CATSPER3: variants seen among roughly 807,000 people sequenced by gnomAD.
CATSPER3 encodes cation channel sperm-associated protein 3.
CATSPER3 carries 23 observed loss-of-function variants against 36.6 expected under a neutral mutation model. That is an observed-to-expected ratio of 0.63 (90% confidence interval 0.45 to 0.89). The LOEUF (loss-of-function observed/expected upper bound fraction) is 0.89. Among genes scored for constraint, CATSPER3 ranks in the 40% least tolerant of loss-of-function variants. The pLI, the probability that CATSPER3 is intolerant of heterozygous loss-of-function variation, is 0.00. For missense variants in CATSPER3, 474 were observed against 503.9 expected, an observed-to-expected ratio of 0.94 and a Z score of 0.57; for synonymous variants, 172 against 184.1, an observed-to-expected ratio of 0.93 and a Z score of 0.53.
intron 1 of CATSPER3, 44 bp from the exon 2 acceptor site, chr5:134,969,895 C>T (rs1353385875): frequency 6.2e-7 from 1 of 1,606,268 alleles, no homozygotes; most frequent in East Asian, 2.2e-5. Context: ...GGGGATCTAG[C>T]TCTATTGTGC....
intron 2 of CATSPER3, among the ~76,000 whole-genome samples, chr5:134,991,732 A>G (rs1460901052): frequency 2.0e-5 from 3 of 152,222 alleles, no homozygotes; most frequent in African/African-American, 7.2e-5. Flanking sequence ...GGATTTGGTA[A>G]TGGATTCTTA....
intron 3 of CATSPER3, among the ~76,000 whole-genome samples, chr5:135,007,261 T>C (rs1752100264): frequency 6.6e-6 from 1 of 152,194 alleles, no homozygotes; most frequent in South Asian, 2.1e-4. Flanking sequence ...GTGGGAAGAA[T>C]GATAACACCT....
chr5:135,007,614 A>T lies in CATSPER3; in HGVS notation c.493-343A>T, dbSNP rs1752105884. ...GGCTGGCCCTCAGCTGAGAAGCAAA[A>T]GCAGGACGCCCTGAGATGACCACAC... On this transcript the variant is annotated intron_variant, in intron 3 of 7. Coordinates refer to ENST00000282611, the MANE Select transcript of CATSPER3 (RefSeq NM_178019.3). 2.0e-5 allele frequency among the ~76,000 whole-genome samples: 3 copies of T among 152,262 alleles called. No homozygotes were observed. In the South Asian group the frequency reaches 6.2e-4, roughly 32 times the overall value.
At chr5:135,006,370 A>G (rs1177508456) in intron 3 of CATSPER3, among the ~76,000 whole-genome samples, 1 of 151,956 alleles carries the variant, frequency 6.6e-6, no homozygotes, top group Non-Finnish European at 1.5e-5. Flanking sequence ...CCTCTCCGCA[A>G]CCCTTCTGCA....
intron 2 of CATSPER3, among the ~76,000 whole-genome samples, chr5:134,995,171 T>A (rs989851412): frequency 5.9e-5 from 9 of 152,196 alleles, no homozygotes; most frequent in African/African-American, 2.2e-4. Context: ...TCTAGTTATC[T>A]TGAAATGCAC....
intron 2 of CATSPER3, among the ~76,000 whole-genome samples, chr5:134,986,832 T>C (rs181868461): frequency 6.6e-5 from 10 of 151,876 alleles, no homozygotes; most frequent in African/African-American, 2.4e-4. Flanking sequence ...AAGATGAAAA[T>C]AAAAAACATA....
intron 3 of CATSPER3, among the ~76,000 whole-genome samples, chr5:135,000,472 T>C (rs1453643310): frequency 6.6e-6 from 1 of 152,226 alleles, no homozygotes; most frequent in Non-Finnish European, 1.5e-5. Flanking sequence ...TTTCTATCAA[T>C]TGGAATAGTT....
At position 135,008,082 on chromosome 5, in the gene CATSPER3, C is replaced by T. The variant is rs1752113833; in HGVS notation, c.618C>T (p.Asp206=). 6.2e-7 allele frequency: 1 copy of T among 1,614,152 alleles called. No individual in the cohort carries two copies. The highest frequency in any genetic ancestry group is 8.5e-7 in the Non-Finnish European group (1 of 1,179,992). ...TGTTTGGATCTCCAGACAATGGTGA[C>T]CATGATAACTGGGGGAACCTGGCTG... ...FCLFGSPDNG[D]HDNWGNLAAA... Residue 206 remains aspartate (D), a synonymous_variant, in exon 4 of 8, where the codon GAC becomes GAT. Coordinates refer to ENST00000282611, the MANE Select transcript of CATSPER3 (RefSeq NM_178019.3).
At chr5:134,972,351 A>G (rs1186967999) in intron 2 of CATSPER3, among the ~76,000 whole-genome samples, 5 of 152,200 alleles carry the variant, frequency 3.3e-5, no homozygotes, top group African/African-American at 1.2e-4. Context: ...ATGAAAGCCC[A>G]CCACAAAGAC....
At chr5:135,005,123 T>G (rs1281028766) in intron 3 of CATSPER3, among the ~76,000 whole-genome samples, 1 of 152,084 alleles carries the variant, frequency 6.6e-6, no homozygotes, top group Non-Finnish European at 1.5e-5. Context: ...AAAGGGGCAT[T>G]GACCCAGACT....
At chr5:135,009,665 C>T (rs1487779952) in intron 6 of CATSPER3, among the ~76,000 whole-genome samples, 175 bp downstream of exon 6, 4 of 7,258 alleles carry the variant, frequency 5.5e-4, no homozygotes, top group South Asian at 5.3e-3. Context: ...CCTTTATTCT[C>T]GGCATTTTTG....
intron 2 of CATSPER3, among the ~76,000 whole-genome samples, chr5:134,991,350 G>A (rs559908083): frequency 6.6e-6 from 1 of 152,252 alleles, no homozygotes; most frequent in South Asian, 2.1e-4. Flanking sequence ...TATTGAAAAC[G>A]AGGAACAAAG....
rs779209087 is a variant in CATSPER3, at chr5:135,010,354, G to T, written c.937-19G>T. ...GTCACCTCCTCATCACTGCTCTCTC[G>T]TTATGCTTTCCTCTCTAGAAAAATG... On this transcript the variant is annotated intron_variant, in intron 6 of 7. Transcript: ENST00000282611. The T allele has an allele frequency of 6.2e-7, 1 of 1,612,428 alleles. No homozygotes were observed. The highest frequency in any genetic ancestry group is 1.7e-5 in the Admixed American group (1 of 60,002).
intron 2 of CATSPER3, among the ~76,000 whole-genome samples, chr5:134,979,381 C>T (rs1751721287): frequency 6.6e-6 from 1 of 152,162 alleles, no homozygotes; most frequent in Non-Finnish European, 1.5e-5. Context: ...AAGTGATCCA[C>T]TCACCTTGGA....
chr5:134,996,621 C>A, intron 3 of CATSPER3, 109 bp downstream of exon 3: 1 of 1,078,608 alleles, frequency 9.3e-7, no homozygotes. Flanking sequence ...GTTGTTGAGT[C>A]CAACGTGTGT....
chr5:134,990,529 G>C lies in CATSPER3; in HGVS notation c.253-5744G>C, dbSNP rs575100764. ...CAGCTTGACTTCTCCCTTTAGCTTA[G>C]TAATTTCAGTGCCCAAGATATTTTC... On this transcript the variant is annotated intron_variant, in intron 2 of 7. Coordinates refer to ENST00000282611, the MANE Select transcript of CATSPER3 (RefSeq NM_178019.3). Among the ~76,000 whole-genome samples the C allele has an allele frequency of 6.6e-5, 10 of 152,272 alleles. No homozygotes were observed. In the South Asian group the frequency reaches 1.2e-3, roughly 19 times the overall value.
At chr5:135,003,314 G>A (rs1675385591) in intron 3 of CATSPER3, among the ~76,000 whole-genome samples, 1 of 152,210 alleles carries the variant, frequency 6.6e-6, no homozygotes, top group Non-Finnish European at 1.5e-5. Flanking sequence ...TTCTCTGGAA[G>A]CTTCATCTCA....
intron 2 of CATSPER3, among the ~76,000 whole-genome samples, chr5:134,979,737 GC>G (rs1413484565): frequency 6.6e-6 from 1 of 152,184 alleles, no homozygotes; most frequent in African/African-American, 2.4e-5. Flanking sequence ...AAGCATTCAT[GC>G]CCAAGGCAGG....
chr5:135,002,868 A>AT (rs2149552257), intron 3 of CATSPER3, among the ~76,000 whole-genome samples: 1 of 152,200 alleles, frequency 6.6e-6, no homozygotes, highest in South Asian at 2.1e-4. Context: ...TCTTTTTTCA[A>AT]GGTTTTTAGC....
Sources: allele counts gnomAD v4.1 joint callset (sites outside exome capture counted in the v4.1 genomes callset), GRCh38; gene constraint gnomAD v4.1.1; transcripts MANE v1.5; gene names NCBI Gene and HGNC (gene_info 2026-07-23, HGNC 2026-07-21).